GSAP: variants seen among roughly 807,000 people sequenced by gnomAD.
GSAP encodes the protein gamma-secretase-activating protein.
Under a neutral mutation model 131.7 loss-of-function variants are expected in GSAP, and 118 were observed. The observed-to-expected ratio is 0.90, with a 90% CI of 0.77 to 1.04. The LOEUF is 1.04. Ranked by LOEUF, GSAP falls within the 50% of genes least tolerant of loss-of-function variation. GSAP has a pLI of 0.00. For synonymous variants in GSAP, 381 were observed against 363.4 expected, an observed-to-expected ratio of 1.05 and a Z score of -0.55; for missense variants, 1,019 against 1,013.2, an observed-to-expected ratio of 1.01 and a Z score of -0.08.
intron 19 of GSAP, among the ~76,000 whole-genome samples, chr7:77,336,055 C>A (rs1010365509): frequency 6.6e-6 from 1 of 152,224 alleles, no homozygotes; most frequent in African/African-American, 2.4e-5. Context: ...CTTAGGGAAA[C>A]GCATGCTGCA....
At chr7:77,343,723 C>T (rs909971920) in intron 19 of GSAP, among the ~76,000 whole-genome samples, 1 of 152,238 alleles carries the variant, frequency 6.6e-6, no homozygotes, top group Non-Finnish European at 1.5e-5. Flanking sequence ...CTATCAATCT[C>T]TTCCCACACA....
intron 19 of GSAP, among the ~76,000 whole-genome samples, chr7:77,333,534 T>C (rs1195057978): frequency 1.3e-5 from 2 of 152,164 alleles, no homozygotes; most frequent in Non-Finnish European, 2.9e-5. Context: ...GGCATCCTAA[T>C]GTTCAGCCAG....
In GSAP at chr7:77,397,452, A is replaced by G. The variant is rs747618587; in HGVS notation, c.244-37T>C. On this transcript the variant is annotated intron_variant, in intron 3 of 30. Coordinates refer to ENST00000257626, the MANE Select transcript of GSAP (RefSeq NM_017439.4). ...AAAATATTTTTTAATTTGAAGTTTC[A>G]TACATTAAATAACAATTGTATGAAC... is the stretch of plus-strand genomic sequence containing the variant. 2.8e-6 allele frequency: 3 copies of G among 1,086,342 alleles called. No homozygotes were observed. The African/African-American group carries it at 4.7e-5, about 17-fold the overall frequency. 67.3% of individuals were successfully genotyped at this position (1,086,342 alleles called of 1,614,324 possible).
Position 77,355,546 on chromosome 7 carries a change from T to C in GSAP, c.1120+9A>G, listed in dbSNP as rs371719723. 14 of 1,593,552 alleles carry C rather than the reference T, an allele frequency of 8.8e-6. No individual in the cohort carries two copies. The highest frequency in any genetic ancestry group is 2.7e-5 in the African/African-American group (2 of 74,340). On this transcript the variant is annotated intron_variant, in intron 15 of 30. Transcript: ENST00000257626. ...GGCCACCTCTACAAGAGAAAAACTA[T>C]AGCCGTACCTGTCAGAAAGAGATTG...
rs759012113 is a variant in GSAP, at chr7:77,377,237, T to TGTAAAAAAAAAAAAA, written c.681+48_681+49insTTTTTTTTTTTTTAC. ...GTCTCTAAAAAAATTAATATTTTTG[T>TGTAAAAAAAAAAAAA]AAAAAAAAAAAAAAAAAAAAAGGAG... is the stretch of plus-strand genomic sequence containing the variant. On this transcript the variant is annotated intron_variant, in intron 9 of 30. Coordinates refer to ENST00000257626, the MANE Select transcript of GSAP (RefSeq NM_017439.4). The TGTAAAAAAAAAAAAA allele has an allele frequency of 2.9e-5, 26 of 894,466 alleles. No individual in the cohort carries two copies. In the African/African-American group the frequency reaches 5.7e-4, roughly 20 times the overall value. 55.4% of individuals were successfully genotyped at this position (894,466 alleles called of 1,614,324 possible). A position where few individuals can be genotyped will look rare whatever the true frequency, so the allele number is the denominator to read the frequency against.
intron 18 of GSAP, among the ~76,000 whole-genome samples, chr7:77,350,159 A>C (rs1792583047): frequency 6.6e-6 from 1 of 151,272 alleles, no homozygotes; most frequent in Non-Finnish European, 1.5e-5. Flanking sequence ...CATTCTCAGT[A>C]AACTATCGCA....
chr7:77,376,170 CATCA>C (rs1170091028), intron 10 of GSAP, among the ~76,000 whole-genome samples: 1 of 152,156 alleles, frequency 6.6e-6, no homozygotes, highest in Non-Finnish European at 1.5e-5. Flanking sequence ...TTACAGACCC[CATCA>C]ATTATTAGGT....
At chr7:77,328,247 C>A (rs1788587465) in intron 22 of GSAP, 5 of 1,039,488 alleles carry the variant, frequency 4.8e-6, no homozygotes, top group Non-Finnish European at 5.8e-6. Context: ...AAGGCAAGAC[C>A]CGGTAGGATC....
At chr7:77,359,060 G>A (rs113199632) in intron 14 of GSAP, among the ~76,000 whole-genome samples, 4,120 of 152,030 alleles carry the variant, frequency 0.027, 91 homozygotes, top group Non-Finnish European at 0.034. Flanking sequence ...GGTGGCGTGC[G>A]CCTGTAATCC....
chr7:77,404,749 AG>A (rs1563133283), intron 2 of GSAP, 134 bp from the exon 3 acceptor site: 1 of 635,524 alleles, frequency 1.6e-6, no homozygotes, highest in Non-Finnish European at 2.8e-6. Context: ...TGCCTGTCAG[AG>A]GGGGACTGAA....
chr7:77,336,692 T>G (rs1036147685), intron 19 of GSAP, among the ~76,000 whole-genome samples: 3 of 152,180 alleles, frequency 2.0e-5, no homozygotes, highest in African/African-American at 7.2e-5. Flanking sequence ...TTCACCATGT[T>G]GGCCAAGCTA....
At chr7:77,412,817 G>C (rs1459415354) in intron 1 of GSAP, among the ~76,000 whole-genome samples, 2 of 151,772 alleles carry the variant, frequency 1.3e-5, no homozygotes, top group African/African-American at 4.8e-5. Context: ...GCTGTCACGG[G>C]CTTGTGAGGA....
chr7:77,362,505 A>G (rs1794677510), intron 13 of GSAP, 78 bp downstream of exon 13: 1 of 757,074 alleles, frequency 1.3e-6, no homozygotes, highest in South Asian at 1.6e-5. Context: ...TACTAATAAC[A>G]CTGTTAAGAG....
intron 18 of GSAP, chr7:77,351,658 G>C: frequency 1.0e-6 from 1 of 985,726 alleles, no homozygotes; most frequent in Non-Finnish European, 1.2e-6. Context: ...CACCCTGTGC[G>C]TGTCCACAAT....
intron 10 of GSAP, among the ~76,000 whole-genome samples, chr7:77,375,521 A>G (rs1287592416): frequency 6.6e-6 from 1 of 152,190 alleles, no homozygotes; most frequent in African/African-American, 2.4e-5. Context: ...ATGGCATAAC[A>G]ATCTGTATTA....
intron 1 of GSAP, among the ~76,000 whole-genome samples, chr7:77,410,991 T>C (rs1803156112): frequency 6.7e-6 from 1 of 149,922 alleles, no homozygotes; most frequent in South Asian, 2.1e-4. Flanking sequence ...TTATATTTCA[T>C]ATTCTGAGTA....
chr7:77,416,254 C>A lies in GSAP; in HGVS notation c.68G>T (p.Arg23Leu). 6.7e-7 allele frequency: 1 copy of A among 1,494,672 alleles called. No homozygotes were observed. The highest frequency in any genetic ancestry group is 8.9e-7 in the Non-Finnish European group (1 of 1,124,184). 92.6% of individuals were successfully genotyped at this position (1,494,672 alleles called of 1,614,324 possible). A position where few individuals can be genotyped will look rare whatever the true frequency, so the allele number is the denominator to read the frequency against. Reference protein sequence around the residue: ...KDVLPWLRAQRAVSEASGAGS... With the variant: ...KDVLPWLRAQLAVSEASGAGS... The stretch of plus-strand genomic sequence containing the variant: ...GGCCCCGCTGGCCTCCGACACTGCC[C>A]GCTGCGCCCGCAACCACGGGAGCAC... Residue 23 changes from arginine to leucine, a missense_variant, in exon 1 of 31, where the codon CGG becomes CTG. Coordinates refer to ENST00000257626, the MANE Select transcript of GSAP (RefSeq NM_017439.4).
intron 5 of GSAP, among the ~76,000 whole-genome samples, chr7:77,387,818 G>A (rs899334009): frequency 6.6e-6 from 1 of 152,194 alleles, no homozygotes; most frequent in African/African-American, 2.4e-5. Flanking sequence ...GTAGATACAA[G>A]GGAGACAAAT....
chr7:77,362,120 A>G (rs780037714), intron 13 of GSAP, among the ~76,000 whole-genome samples: 2 of 152,242 alleles, frequency 1.3e-5, no homozygotes, highest in Non-Finnish European at 1.5e-5. Flanking sequence ...CACCATTGAC[A>G]ACTTTCTTCA....
Sources: gnomAD v4.1 joint callset for allele counts (sites outside exome capture counted in the v4.1 genomes callset) on GRCh38, gnomAD v4.1.1 for gene constraint, MANE v1.5 for transcripts, NCBI Gene and HGNC (gene_info 2026-07-23, HGNC 2026-07-21) for gene names.